The following FNIP2 variants were observed in gnomAD, a reference collection of about 807,000 sequenced individuals.
FNIP2 encodes the protein folliculin-interacting protein 2.
In FNIP2, 32 loss-of-function variants were observed where a neutral mutation model predicts 108.7. The observed-to-expected ratio is 0.29, with a 90% confidence interval of 0.22 to 0.40. The LOEUF (loss-of-function observed/expected upper bound fraction) is 0.40. Among genes scored for constraint, FNIP2 ranks in the 10% least tolerant of loss-of-function variants. The pLI is 1.00. For synonymous variants in FNIP2, 480 were observed against 496.7 expected (o/e 0.97, Z 0.45); for missense variants, 1,202 against 1,381.6 (o/e 0.87, Z 2.06).
chr4:158,893,574 A>C, intron 15 of FNIP2: 1 of 748,258 alleles, frequency 1.3e-6, no homozygotes, highest in South Asian at 2.0e-5. Context: ...GCTGAAGCGT[A>C]CTCTTGCAAG....
intron 1 of FNIP2, among the ~76,000 whole-genome samples, chr4:158,823,593 G>T (rs1361223420): frequency 6.6e-6 from 1 of 152,224 alleles, no homozygotes; most frequent in African/African-American, 2.4e-5. Flanking sequence ...GATTGTAAGT[G>T]ACAGTGAACT....
chr4:158,859,498 ATTTT>A, intron 9 of FNIP2, 76 bp from the exon 10 acceptor site: 1 of 1,248,058 alleles, frequency 8.0e-7, no homozygotes, highest in Admixed American at 2.3e-5. Flanking sequence ...TGATTACATA[ATTTT>A]TTTTATTAAT....
chr4:158,836,330 C>G (rs1467714847), intron 7 of FNIP2: 1 of 152,216 alleles, frequency 6.6e-6, no homozygotes, highest in African/African-American at 2.4e-5. Context: ...TTAACCCACT[C>G]TGTGCAACTC....
chr4:158,821,312 A>T (rs797013399), intron 1 of FNIP2, among the ~76,000 whole-genome samples: 2 of 152,376 alleles, frequency 1.3e-5, no homozygotes, highest in African/African-American at 4.8e-5. Flanking sequence ...TTCAGCAAAA[A>T]CAGAAATGAA....
chr4:158,769,127 G>T lies in FNIP2; in HGVS notation c.-86G>T. On this transcript the variant is annotated 5_prime_UTR_variant, in exon 1 of 17. Coordinates refer to ENST00000264433, the MANE Select transcript of FNIP2 (RefSeq NM_020840.3). ...GCTGGGCGGCCGCGCCGCCGCGATGGCCCCGCCACCGCGGCCGCCGCCCCC... is the reference window on the plus strand; with the variant it reads ...GCTGGGCGGCCGCGCCGCCGCGATGTCCCCGCCACCGCGGCCGCCGCCCCC... 2.1e-6 allele frequency: 1 copy of T among 472,968 alleles called. No homozygotes were observed. The highest frequency in any genetic ancestry group is 2.7e-6 in the Non-Finnish European group (1 of 364,110). 29.3% of individuals were successfully genotyped at this position (472,968 alleles called of 1,614,324 possible). A position where few individuals can be genotyped will look rare whatever the true frequency, so the allele number is the denominator to read the frequency against.
Position 158,907,618 on chromosome 4 carries a change from T to C in FNIP2, c.*3074T>C, listed in dbSNP as rs1258587649. The stretch of plus-strand genomic sequence containing the variant: ...TCTTTTAAAGTCTGGATTTTTCCGC[T>C]AATATGTACTTTAGAGAATATTTTG... On this transcript the variant is annotated 3_prime_UTR_variant, in exon 17 of 17. Coordinates refer to ENST00000264433, the MANE Select transcript of FNIP2 (RefSeq NM_020840.3). 1 of 152,222 alleles carries C rather than the reference T, an allele frequency of 6.6e-6. No homozygotes were observed. Among genetic ancestry groups the C allele is most frequent in the Non-Finnish European group, 1.5e-5 (1 of 68,030 alleles). The allele number at this position is 152,222 out of a possible 1,614,324, so 9.4% of individuals were successfully genotyped here. A position where few individuals can be genotyped will look rare whatever the true frequency, so the allele number is the denominator to read the frequency against.
At chr4:158,839,939 G>A (rs1164281319) in intron 7 of FNIP2, among the ~76,000 whole-genome samples, 1 of 152,166 alleles carries the variant, frequency 6.6e-6, no homozygotes, top group African/African-American at 2.4e-5. Flanking sequence ...CATCCTCATT[G>A]TATTCTCTTT....
rs1388087906 is a variant in FNIP2 at position 158,904,651 on chromosome 4, GA to G, written c.*110del. ...GTCAAAAGCATGAGAAGAGCAAACA[GA>G]AACAGTCATTCCACCTTTTTGTTTT... On this transcript the variant is annotated 3_prime_UTR_variant, in exon 17 of 17. Coordinates refer to ENST00000264433, the MANE Select transcript of FNIP2 (RefSeq NM_020840.3). The G allele has an allele frequency of 1.0e-6, 1 of 961,566 alleles. No homozygotes were observed. The highest frequency in any genetic ancestry group is 1.6e-6 in the Non-Finnish European group (1 of 624,420). The allele number at this position is 961,566 out of a possible 1,614,324, so 59.6% of individuals were successfully genotyped here.
At chr4:158,799,755 T>C (rs1776702038) in intron 1 of FNIP2, among the ~76,000 whole-genome samples, 1 of 152,216 alleles carries the variant, frequency 6.6e-6, no homozygotes, top group Admixed American at 6.5e-5. Flanking sequence ...CTTCAAAAAA[T>C]AATCCCATAG....
At chr4:158,869,524 C>T in intron 13 of FNIP2, 96 bp downstream of exon 13, 2 of 1,398,360 alleles carry the variant, frequency 1.4e-6, no homozygotes, top group Non-Finnish European at 1.9e-6. Flanking sequence ...CTATTGTCTG[C>T]TTTACACACA....
chr4:158,789,286 C>A (rs1330457495), intron 1 of FNIP2, among the ~76,000 whole-genome samples: 2 of 150,856 alleles, frequency 1.3e-5, no homozygotes, highest in East Asian at 3.9e-4. Flanking sequence ...ACCCTCCAAC[C>A]TCAGAGCCTC....
chr4:158,842,901 TC>T (rs1318855267), intron 7 of FNIP2, among the ~76,000 whole-genome samples: 1 of 152,168 alleles, frequency 6.6e-6, no homozygotes, highest in African/African-American at 2.4e-5. Flanking sequence ...TATAATGTAT[TC>T]CTTATAATTT....
At chr4:158,877,199 C>T (rs1445921192) in intron 14 of FNIP2, among the ~76,000 whole-genome samples, 1 of 152,194 alleles carries the variant, frequency 6.6e-6, no homozygotes, top group Non-Finnish European at 1.5e-5. Flanking sequence ...GCAGCCATTC[C>T]AGAAGTTATG....
chr4:158,776,047 C>A (rs578113745), intron 1 of FNIP2, among the ~76,000 whole-genome samples: 3 of 152,282 alleles, frequency 2.0e-5, no homozygotes, highest in South Asian at 4.1e-4. Flanking sequence ...ACTTTTTAAT[C>A]ATAAATAAGA....
chr4:158,880,944 A>T (rs1275746584), intron 14 of FNIP2, among the ~76,000 whole-genome samples: 1 of 152,208 alleles, frequency 6.6e-6, no homozygotes, highest in Non-Finnish European at 1.5e-5. Context: ...GGTGACTGTC[A>T]TCACATTCAT....
intron 7 of FNIP2, among the ~76,000 whole-genome samples, chr4:158,849,808 A>C (rs1779600388): frequency 6.6e-6 from 1 of 152,164 alleles, no homozygotes. Flanking sequence ...GGTTAAAAAA[A>C]AAAAAAAGTG....
At chr4:158,837,732 G>T (rs1257082268) in intron 7 of FNIP2, among the ~76,000 whole-genome samples, 3 of 152,206 alleles carry the variant, frequency 2.0e-5, no homozygotes, top group Non-Finnish European at 4.4e-5. Flanking sequence ...TGGAGGAAAT[G>T]GGGGATAGGT....
chr4:158,815,611 G>A (rs1578855953), intron 1 of FNIP2, among the ~76,000 whole-genome samples: 1 of 152,226 alleles, frequency 6.6e-6, no homozygotes, highest in East Asian at 1.9e-4. Flanking sequence ...TGATCCGCCA[G>A]CCTCGGCCTC....
At chr4:158,824,105 A>G (rs1778029070) in intron 1 of FNIP2, among the ~76,000 whole-genome samples, 1 of 152,196 alleles carries the variant, frequency 6.6e-6, no homozygotes, top group Non-Finnish European at 1.5e-5. Flanking sequence ...AAAATGCACA[A>G]TTTGTGATTG....
Sources: gnomAD v4.1 joint callset for allele counts (sites outside exome capture counted in the v4.1 genomes callset) on GRCh38, gnomAD v4.1.1 for gene constraint, MANE v1.5 for transcripts, NCBI Gene and HGNC (gene_info 2026-07-23, HGNC 2026-07-21) for gene names.